Variants in GRID2 observed in about 807,000 individuals in gnomAD.
GRID2 encodes the protein glutamate receptor ionotropic, delta-2.
Under a neutral mutation model 114.8 loss-of-function variants are expected in GRID2, and 33 were observed. The observed-to-expected ratio is 0.29, with a 90% CI of 0.22 to 0.38. The LOEUF (loss-of-function observed/expected upper bound fraction) is 0.38. Among genes scored for constraint, GRID2 ranks in the 10% least tolerant of loss-of-function variants. The pLI, the probability that GRID2 is intolerant of heterozygous loss-of-function variation, is 1.00. For missense variants in GRID2, 1,184 were observed against 1,257.7 expected, an observed-to-expected ratio of 0.94 and a Z score of 0.89; for synonymous variants, 505 against 449.9, an observed-to-expected ratio of 1.12 and a Z score of -1.55.
chr4:92,882,040 G>C (rs1257027900), intron 2 of GRID2, among the ~76,000 whole-genome samples: 1 of 152,096 alleles, frequency 6.6e-6, no homozygotes, highest in African/African-American at 2.4e-5. Flanking sequence ...GAGCCAGCTG[G>C]GGCAGATTAT....
intron 2 of GRID2, among the ~76,000 whole-genome samples, chr4:92,932,109 A>G (rs1321727463): frequency 6.6e-6 from 1 of 151,342 alleles, no homozygotes; most frequent in Non-Finnish European, 1.5e-5. Flanking sequence ...TAAAATTGCA[A>G]TTAAGCATAT....
At chr4:92,963,806 C>G (rs1752968152) in intron 2 of GRID2, among the ~76,000 whole-genome samples, 1 of 151,964 alleles carries the variant, frequency 6.6e-6, no homozygotes, top group Non-Finnish European at 1.5e-5. Context: ...CTATCTATGA[C>G]AGCTGTAGCC....
chr4:93,685,163 T>C (rs901492744), intron 14 of GRID2, among the ~76,000 whole-genome samples: 1 of 152,084 alleles, frequency 6.6e-6, no homozygotes, highest in Non-Finnish European at 1.5e-5. Flanking sequence ...TCACACACTT[T>C]ATCATGTAAA....
At chr4:92,619,738 A>G (rs550926851) in intron 2 of GRID2, among the ~76,000 whole-genome samples, 2 of 151,834 alleles carry the variant, frequency 1.3e-5, no homozygotes, top group African/African-American at 2.4e-5. Context: ...AGTATTTGCT[A>G]TTAAATAAGT....
At chr4:92,714,208 G>C (rs1413447815) in intron 2 of GRID2, among the ~76,000 whole-genome samples, 1 of 152,172 alleles carries the variant, frequency 6.6e-6, no homozygotes, top group Non-Finnish European at 1.5e-5. Flanking sequence ...AAAATCCAGT[G>C]AGGCAGTCAA....
intron 2 of GRID2, among the ~76,000 whole-genome samples, chr4:92,982,533 G>T (rs1222989226): frequency 6.6e-6 from 1 of 151,878 alleles, no homozygotes; most frequent in Non-Finnish European, 1.5e-5. Context: ...ACCTGATTTG[G>T]TCCCAAATTC....
chr4:93,590,778 G>C (rs12644044), intron 13 of GRID2, among the ~76,000 whole-genome samples: 28,520 of 151,288 alleles, frequency 0.19, 3,128 homozygotes, highest in Middle Eastern at 0.33. Flanking sequence ...CACATCCCTT[G>C]TAAGTTGGAT....
intron 2 of GRID2, among the ~76,000 whole-genome samples, chr4:93,049,219 T>G (rs1359146401): frequency 6.6e-6 from 1 of 152,080 alleles, no homozygotes; most frequent in Admixed American, 6.6e-5. Context: ...AAATAAGTTA[T>G]GAATTTCAAA....
intron 2 of GRID2, among the ~76,000 whole-genome samples, chr4:93,071,993 C>CA (rs1033109136): frequency 4.0e-5 from 6 of 151,572 alleles, no homozygotes; most frequent in South Asian, 4.2e-4. Flanking sequence ...AACACAATGT[C>CA]AAAAAAAAGC....
chr4:93,268,718 G>T (rs1751116867), intron 8 of GRID2, among the ~76,000 whole-genome samples: 2 of 152,126 alleles, frequency 1.3e-5, no homozygotes, highest in Admixed American at 6.5e-5. Flanking sequence ...ATAACTGTGG[G>T]TCAAAGATTT....
chr4:92,353,525 A>G (rs1266251632), intron 1 of GRID2, among the ~76,000 whole-genome samples: 1 of 151,890 alleles, frequency 6.6e-6, no homozygotes, highest in Non-Finnish European at 1.5e-5. Context: ...TCATTTGTCT[A>G]GTGACTTTTC....
At chr4:92,704,077 C>A (rs1734816983) in intron 2 of GRID2, among the ~76,000 whole-genome samples, 1 of 152,100 alleles carries the variant, frequency 6.6e-6, no homozygotes, top group South Asian at 2.1e-4. Context: ...GAGATCGACA[C>A]CATCCTGGCT....
chr4:93,784,645 TACAC>T (rs59896203), intron 1 of GRID2, among the ~76,000 whole-genome samples: 16 of 147,736 alleles, frequency 1.1e-4, no homozygotes, highest in East Asian at 1.0e-3. Context: ...GTCCTTTTTA[TACAC>T]ACACACACAC....
intron 10 of GRID2, among the ~76,000 whole-genome samples, chr4:93,440,804 G>A (rs761157155): frequency 4.6e-5 from 7 of 152,042 alleles, no homozygotes; most frequent in Non-Finnish European, 8.8e-5. Flanking sequence ...ATATTTAATT[G>A]GCAGACATTG....
At chr4:93,686,794 T>G (rs1560906748) in intron 14 of GRID2, among the ~76,000 whole-genome samples, 1 of 151,788 alleles carries the variant, frequency 6.6e-6, no homozygotes, top group Non-Finnish European at 1.5e-5. Context: ...AAAAGGCCAG[T>G]GCATTTTGAG....
chr4:92,820,772 TATTA>T (rs1228729279), intron 2 of GRID2, among the ~76,000 whole-genome samples: 3 of 152,270 alleles, frequency 2.0e-5, no homozygotes, highest in East Asian at 1.9e-4. Context: ...TTCAACATTC[TATTA>T]ATTTCAGGTT....
chr4:92,913,450 CAT>C (rs897956270), intron 2 of GRID2, among the ~76,000 whole-genome samples: 24 of 152,042 alleles, frequency 1.6e-4, no homozygotes, highest in African/African-American at 5.3e-4. Context: ...ACAAGGCACA[CAT>C]GTCTTTCAAG....
chr4:92,931,645 G>C (rs1750246719), intron 2 of GRID2, among the ~76,000 whole-genome samples: 1 of 147,328 alleles, frequency 6.8e-6, no homozygotes, highest in East Asian at 2.0e-4. Flanking sequence ...CACACACACA[G>C]CATTCGGAAT....
intron 1 of GRID2, among the ~76,000 whole-genome samples, chr4:92,310,534 A>G (rs568397005): frequency 6.6e-6 from 1 of 152,142 alleles, no homozygotes; most frequent in Admixed American, 6.5e-5. Flanking sequence ...TAAATTGGCA[A>G]ATTTTAGCAT....
Sources: gnomAD v4.1 joint callset for allele counts (sites outside exome capture counted in the v4.1 genomes callset) on GRCh38, gnomAD v4.1.1 for gene constraint, MANE v1.5 for transcripts, NCBI Gene and HGNC (gene_info 2026-07-23, HGNC 2026-07-21) for gene names.